ARHGAP42: variants seen among roughly 807,000 people sequenced by gnomAD.
ARHGAP42 encodes Rho GTPase activating protein 42, also known as rho GTPase-activating protein 42.
Under a neutral mutation model 125.0 loss-of-function variants are expected in ARHGAP42, and 63 were observed. The observed-to-expected ratio is 0.50, with a 90% CI of 0.41 to 0.62. The LOEUF is 0.62. ARHGAP42 is among the 20% of genes least tolerant of loss of function. The probability of loss-of-function intolerance (pLI) is 0.00; values close to 1 mark genes in which losing one functional copy is unlikely to be tolerated. For synonymous variants in ARHGAP42, 339 were observed against 351.0 expected (o/e 0.97, Z 0.38); for missense variants, 766 against 1,024.2 (o/e 0.75, Z 3.44).
chr11:100,878,368 G>A (rs890132666), intron 4 of ARHGAP42, among the ~76,000 whole-genome samples: 6 of 151,986 alleles, frequency 3.9e-5, no homozygotes, highest in Non-Finnish European at 7.4e-5. Context: ...ATATTGATAC[G>A]ATTTGGCTGG....
rs774462371 is a variant in ARHGAP42, at chr11:100,809,752, T to A, written c.312+14586T>A. Among the ~76,000 whole-genome samples, 81 of 152,252 alleles carry A rather than the reference T, an allele frequency of 5.3e-4. 1 individual carries two copies. The highest frequency in any genetic ancestry group is 4.1e-4 in the South Asian group (2 of 4,830). On this transcript the variant is annotated intron_variant, in intron 3 of 23. Transcript: ENST00000298815. ...GGTGGATCGCATGAGCCCAGAAGTT[T>A]GAGACCAGCCTGAGCAACATAGTGA...
intron 5 of ARHGAP42, among the ~76,000 whole-genome samples, chr11:100,920,784 G>GA (rs1344303439): frequency 1.3e-5 from 2 of 152,148 alleles, no homozygotes; most frequent in Non-Finnish European, 2.9e-5. Context: ...GACAAAGCAT[G>GA]ATTCATCAGT....
intron 6 of ARHGAP42, among the ~76,000 whole-genome samples, chr11:100,927,528 A>G (rs665787): frequency 0.19 from 28,335 of 152,164 alleles, 3,896 homozygotes; most frequent in African/African-American, 0.39. Context: ...TTTGTGATAG[A>G]ACTTAGTGAA....
At chr11:100,706,786 T>G (rs1211604220) in intron 1 of ARHGAP42, among the ~76,000 whole-genome samples, 1 of 152,230 alleles carries the variant, frequency 6.6e-6, no homozygotes, top group Non-Finnish European at 1.5e-5. Flanking sequence ...AAATTTACCC[T>G]TTTAAGAATC....
At chr11:100,823,706 A>C (rs17573732) in intron 3 of ARHGAP42, among the ~76,000 whole-genome samples, 3,755 of 152,284 alleles carry the variant, frequency 0.025, 73 homozygotes, top group Non-Finnish European at 0.036. Context: ...CTAACTGGAA[A>C]AAGCCTCTGT....
At chr11:100,979,478 G>A (rs987415667) in intron 22 of ARHGAP42, among the ~76,000 whole-genome samples, 15 of 152,084 alleles carry the variant, frequency 9.9e-5, no homozygotes, top group African/African-American at 2.7e-4. Context: ...ATTGCCCAAA[G>A]CGACTCTGTT....
intron 2 of ARHGAP42, among the ~76,000 whole-genome samples, chr11:100,786,358 A>G (rs1863434045): frequency 2.0e-5 from 3 of 152,236 alleles, no homozygotes; most frequent in Admixed American, 1.3e-4. Context: ...TGAAGAATTC[A>G]GATAAAATTC....
chr11:100,950,247 TATATA>T (rs1337045509), intron 12 of ARHGAP42, among the ~76,000 whole-genome samples: 1 of 145,008 alleles, frequency 6.9e-6, no homozygotes, highest in Non-Finnish European at 1.5e-5. Flanking sequence ...TTATATAAAA[TATATA>T]ATATATAATT....
chr11:100,897,289 G>C (rs1437726130), intron 4 of ARHGAP42, among the ~76,000 whole-genome samples: 2 of 152,160 alleles, frequency 1.3e-5, no homozygotes, highest in South Asian at 4.1e-4. Context: ...CTCCAGCTTT[G>C]TTCTTTTTGC....
intron 2 of ARHGAP42, among the ~76,000 whole-genome samples, chr11:100,772,750 C>T (rs574682095): frequency 6.6e-6 from 1 of 152,250 alleles, no homozygotes; most frequent in Admixed American, 6.5e-5. Context: ...AGGTAAAAGC[C>T]TAGATTATAT....
chr11:100,954,887 C>T (rs494907), intron 12 of ARHGAP42, among the ~76,000 whole-genome samples: 134,270 of 152,190 alleles, frequency 0.88, 59,320 homozygotes, highest in East Asian at 1. Context: ...AGTTAACATA[C>T]AGCATGATAT....
intron 1 of ARHGAP42, among the ~76,000 whole-genome samples, chr11:100,715,060 A>G (rs1015297038): frequency 1.6e-4 from 24 of 151,686 alleles, no homozygotes; most frequent in Non-Finnish European, 3.5e-4. Context: ...AAAAAAAAAA[A>G]AAAAAAAAAA....
intron 4 of ARHGAP42, among the ~76,000 whole-genome samples, chr11:100,883,097 A>G (rs1032142448): frequency 1.3e-5 from 2 of 151,520 alleles, no homozygotes; most frequent in Non-Finnish European, 2.9e-5. Context: ...TTTCAAAATG[A>G]TCTTTTGGAT....
rs1426699119 is a variant in ARHGAP42, at chr11:100,943,998, C to T, written c.1043+130C>T. The T allele has an allele frequency of 8.3e-6, 5 of 599,814 alleles. No homozygotes were observed. The East Asian group carries it at 1.5e-4, about 18-fold the overall frequency. The allele number at this position is 599,814 out of a possible 1,614,324, so 37.2% of individuals were successfully genotyped here. On this transcript the variant is annotated intron_variant, in intron 10 of 23. Coordinates refer to ENST00000298815, the MANE Select transcript of ARHGAP42 (RefSeq NM_152432.4). ...TAAAAAACAGTATACATGTTTATCT[C>T]TTTCTTTCATGTTGTTATTACATGA...
At chr11:100,756,749 T>C (rs1299716883) in intron 1 of ARHGAP42, among the ~76,000 whole-genome samples, 1 of 152,194 alleles carries the variant, frequency 6.6e-6, no homozygotes, top group Non-Finnish European at 1.5e-5. Context: ...GTTGACACAG[T>C]TGGAATTCCT....
At chr11:100,893,131 G>A (rs1466822203) in intron 4 of ARHGAP42, among the ~76,000 whole-genome samples, 2 of 150,372 alleles carry the variant, frequency 1.3e-5, no homozygotes, top group South Asian at 2.1e-4. Flanking sequence ...AGAAATGACA[G>A]CATCCTTACT....
chr11:100,869,581 A>G (rs1232776642), intron 4 of ARHGAP42, among the ~76,000 whole-genome samples: 4 of 152,170 alleles, frequency 2.6e-5, no homozygotes, highest in African/African-American at 9.6e-5. Flanking sequence ...AGTCAATGCA[A>G]ATGCTGAGCA....
chr11:100,877,878 G>A (rs542535975), intron 4 of ARHGAP42, among the ~76,000 whole-genome samples: 188 of 151,948 alleles, frequency 1.2e-3, no homozygotes, highest in African/African-American at 4.4e-3. Flanking sequence ...GGTGGCACAT[G>A]CCTGTAATCC....
Position 100,773,613 on chromosome 11 carries a change from C to T in ARHGAP42, c.250+3175C>T, listed in dbSNP as rs771058998. ...CACACATACATGTAGTAACTGCAGACGTAGGGTTTTTAATCACTATGCTAC... is the reference window on the plus strand; with the variant it reads ...CACACATACATGTAGTAACTGCAGATGTAGGGTTTTTAATCACTATGCTAC... On this transcript the variant is annotated intron_variant, in intron 2 of 23. Transcript: ENST00000298815. Among the ~76,000 whole-genome samples the T allele has an allele frequency of 3.3e-5, 5 of 152,166 alleles. 1 individual carries two copies. Among genetic ancestry groups the T allele is most frequent in the Admixed American group, 2.0e-4 (3 of 15,274 alleles).
Sources: gnomAD v4.1 joint callset for allele counts (sites outside exome capture counted in the v4.1 genomes callset) on GRCh38, gnomAD v4.1.1 for gene constraint, MANE v1.5 for transcripts, NCBI Gene and HGNC (gene_info 2026-07-23, HGNC 2026-07-21) for gene names.